The following ANK2 variants were observed in gnomAD, a reference collection of about 807,000 sequenced individuals.
The protein encoded by ANK2 is ankyrin-2.
ANK2 carries 83 observed loss-of-function variants against 360.5 expected under a neutral mutation model. The observed-to-expected ratio is 0.23, with a 90% confidence interval of 0.19 to 0.28. The LOEUF (loss-of-function observed/expected upper bound fraction) is 0.28. Ranked by LOEUF, ANK2 falls within the 10% of genes least tolerant of loss-of-function variation. The pLI is 1.00. For missense variants in ANK2, 4,201 were observed against 4,795.7 expected, an observed-to-expected ratio of 0.88 and a Z score of 3.66; for synonymous variants, 1,740 against 1,759.5, an observed-to-expected ratio of 0.99 and a Z score of 0.28.
chr4:112,885,384 A>G (rs987936088), intron 1 of ANK2, among the ~76,000 whole-genome samples: 1 of 151,826 alleles, frequency 6.6e-6, no homozygotes, highest in Non-Finnish European at 1.5e-5. Flanking sequence ...CTGTAATCCC[A>G]GTTACTCGGG....
chr4:112,787,183 T>A, the ANK2 span, among the ~76,000 whole-genome samples: 2 of 152,234 alleles, frequency 1.3e-5, no homozygotes, highest in African/African-American at 2.4e-5. Context: ...AAAGTAAGAT[T>A]AGATTAAAAA....
the ANK2 span, among the ~76,000 whole-genome samples, chr4:112,795,088 C>G: frequency 6.6e-6 from 1 of 152,060 alleles, no homozygotes; most frequent in South Asian, 2.1e-4. Context: ...CTTTTGGATT[C>G]CTTTGGAGAC....
chr4:113,051,876 A>G (rs1008988589), intron 1 of ANK2, among the ~76,000 whole-genome samples: 9 of 152,158 alleles, frequency 5.9e-5, no homozygotes, highest in African/African-American at 2.2e-4. Context: ...TATTTAAAAC[A>G]TATAGTCAAT....
chr4:112,801,853 A>C, the ANK2 span, among the ~76,000 whole-genome samples: 1 of 152,166 alleles, frequency 6.6e-6, no homozygotes, highest in Non-Finnish European at 1.5e-5. Context: ...AAAGCAGTTG[A>C]AGAAAGGTGT....
At chr4:113,048,892 G>C (rs2065702268), upstream of ANK2, among the ~76,000 whole-genome samples, 1 of 147,032 alleles carries the variant, frequency 6.8e-6, no homozygotes, top group African/African-American at 2.5e-5. Context: ...CTTGGTTCTG[G>C]GAAATTCAGT....
At chr4:113,007,319 G>A (rs1048303153) in intron 2 of ANK2, among the ~76,000 whole-genome samples, 23 of 152,080 alleles carry the variant, frequency 1.5e-4, no homozygotes, top group Non-Finnish European at 2.8e-4. Flanking sequence ...ATGGCCACAG[G>A]CTGTGCTATC....
At chr4:112,777,106 TTTAG>T in the ANK2 span, among the ~76,000 whole-genome samples, 1 of 152,320 alleles carries the variant, frequency 6.6e-6, no homozygotes, top group South Asian at 2.1e-4. Context: ...TTCTTCTTAA[TTTAG>T]TTAAATTGTT....
intron 1 of ANK2, among the ~76,000 whole-genome samples, chr4:112,872,400 T>A (rs2150282207): frequency 6.6e-6 from 1 of 152,072 alleles, no homozygotes; most frequent in Non-Finnish European, 1.5e-5. Context: ...TGCAATGGCA[T>A]GATCTCGGCT....
intron 2 of ANK2, among the ~76,000 whole-genome samples, chr4:113,193,014 C>T (rs549376063): frequency 3.7e-4 from 56 of 151,400 alleles, no homozygotes; most frequent in Admixed American, 2.0e-4. Flanking sequence ...GGGCGCTAGA[C>T]GGGACTCCGC....
chr4:113,298,720 A>G (rs573796035), intron 22 of ANK2, among the ~76,000 whole-genome samples: 2 of 152,344 alleles, frequency 1.3e-5, no homozygotes, highest in East Asian at 3.9e-4. Context: ...CTTTTAAAGT[A>G]GTTTCTAATC....
intron 2 of ANK2, among the ~76,000 whole-genome samples, chr4:112,945,667 A>T (rs562967178): frequency 7.2e-5 from 11 of 152,328 alleles, no homozygotes; most frequent in Non-Finnish European, 1.2e-4. Flanking sequence ...ACATTGACAG[A>T]CACAGGACAC....
chr4:113,130,260 A>G (rs1162512165), intron 1 of ANK2, among the ~76,000 whole-genome samples: 2 of 152,168 alleles, frequency 1.3e-5, no homozygotes, highest in Admixed American at 1.3e-4. Context: ...CCCTCCTAAA[A>G]AGGCACTCCA....
chr4:112,723,220 T>C, the ANK2 span, among the ~76,000 whole-genome samples: 2 of 152,188 alleles, frequency 1.3e-5, no homozygotes, highest in Non-Finnish European at 2.9e-5. Context: ...TTTAGTTTCA[T>C]TACTGCAGTG....
the ANK2 span, among the ~76,000 whole-genome samples, chr4:112,756,671 C>T: frequency 2.0e-5 from 3 of 152,096 alleles, no homozygotes; most frequent in African/African-American, 7.2e-5. Flanking sequence ...TTTTTGAGCT[C>T]GGCTGGAAAA....
At chr4:112,775,515 TCACA>T in the ANK2 span, among the ~76,000 whole-genome samples, 14 of 118,156 alleles carry the variant, frequency 1.2e-4, no homozygotes, top group East Asian at 1.6e-3. Context: ...CTAAGCTCCA[TCACA>T]CACACACACA....
At chr4:113,226,773 G>C (rs1182684896) in intron 4 of ANK2, among the ~76,000 whole-genome samples, 1 of 152,176 alleles carries the variant, frequency 6.6e-6, no homozygotes, top group South Asian at 2.1e-4. Context: ...CTATGGACAG[G>C]AGTAATGTTC....
At chr4:112,882,743 G>T (rs1560934378) in intron 1 of ANK2, among the ~76,000 whole-genome samples, 1 of 151,700 alleles carries the variant, frequency 6.6e-6, no homozygotes, top group African/African-American at 2.4e-5. Flanking sequence ...AGGTTCTGTT[G>T]ATTTTGTCAC....
intron 1 of ANK2, among the ~76,000 whole-genome samples, chr4:113,087,724 T>G (rs2085543117): frequency 6.6e-6 from 1 of 152,064 alleles, no homozygotes; most frequent in African/African-American, 2.4e-5. Flanking sequence ...AATGATAGGT[T>G]TCCTAGTTTC....
intron 35 of ANK2, 72 bp from the exon 36 acceptor site, chr4:113,348,204 C>G: frequency 6.6e-7 from 1 of 1,505,938 alleles, no homozygotes; most frequent in African/African-American, 1.4e-5. Flanking sequence ...TTACTCTTTC[C>G]TTTTCTTCTA....
Sources: gnomAD v4.1 joint callset for allele counts (sites outside exome capture counted in the v4.1 genomes callset) on GRCh38, gnomAD v4.1.1 for gene constraint, MANE v1.5 for transcripts, NCBI Gene and HGNC (gene_info 2026-07-23, HGNC 2026-07-21) for gene names.